Variants in B3GALT1 observed in about 807,000 individuals in gnomAD.
The protein encoded by B3GALT1 is UDP-Gal:betaGlcNAc beta 1,3-galactosyltransferase, polypeptide 1.
A neutral mutation model predicts 23.2 loss-of-function variants in B3GALT1; 10 were observed. That is an observed-to-expected ratio of 0.43 (90% confidence interval 0.27 to 0.73). B3GALT1 has a LOEUF of 0.73. Ranked by LOEUF, B3GALT1 falls within the 30% of genes least tolerant of loss-of-function variation. B3GALT1 has a pLI of 0.21. For missense variants in B3GALT1, 299 were observed against 405.4 expected (o/e 0.74, Z 2.25); for synonymous variants, 156 against 141.5 (o/e 1.10, Z -0.73).
chr2:167,864,994 T>C (rs1574308627), intron 4 of B3GALT1, among the ~76,000 whole-genome samples: 2 of 152,204 alleles, frequency 1.3e-5, no homozygotes, highest in African/African-American at 4.8e-5. Flanking sequence ...TTATAAACTT[T>C]TTTCATGTTC....
chr2:167,601,210 C>T (rs926410611), intron 2 of B3GALT1, among the ~76,000 whole-genome samples: 3 of 152,098 alleles, frequency 2.0e-5, no homozygotes, highest in African/African-American at 7.2e-5. Context: ...CAGGCACGTG[C>T]CACCACGCCC....
Position 167,869,051 on chromosome 2 carries a change from G to T in B3GALT1, c.12G>T (p.Lys4Asn). The T allele has an allele frequency of 6.2e-7, 1 of 1,606,978 alleles. No homozygotes were observed. The highest frequency in any genetic ancestry group is 8.5e-7 in the Non-Finnish European group (1 of 1,176,140). ...GTGTTCTCAAGACAATGGCTTCAAA[G>T]GTCTCCTGTTTGTATGTTTTGACAG... MAS[K>N]VSCLYVLTVV... The change falls in exon 5 of 5, where the codon AAG (lysine) becomes AAT (asparagine). Residue 4 changes from lysine (K) to asparagine (N), a missense_variant. By Grantham distance (94) the Lys-to-Asn change is moderately conservative. Around this residue, in one of 3 missense-constraint regions of B3GALT1, gnomAD observed 162 missense variants for 184.1 expected, o/e 0.88. Coordinates refer to ENST00000392690, the MANE Select transcript of B3GALT1 (RefSeq NM_020981.4). The surrounding 1 kb of genome is among the most constrained non-coding windows in gnomAD (Gnocchi z 6.4).
At chr2:167,442,888 C>T (rs1698918156) in intron 1 of B3GALT1, among the ~76,000 whole-genome samples, 1 of 140,968 alleles carries the variant, frequency 7.1e-6, no homozygotes, top group African/African-American at 2.7e-5. Flanking sequence ...AATTAGATCC[C>T]ATTTGTCAAT....
chr2:167,394,364 C>CA (rs1256032982), intron 1 of B3GALT1, among the ~76,000 whole-genome samples: 1 of 152,098 alleles, frequency 6.6e-6, no homozygotes, highest in Non-Finnish European at 1.5e-5. Flanking sequence ...GTAATCATTG[C>CA]ATTTAACTCA....
At chr2:167,446,382 C>G (rs1698992045) in intron 1 of B3GALT1, among the ~76,000 whole-genome samples, 1 of 152,042 alleles carries the variant, frequency 6.6e-6, no homozygotes, top group Non-Finnish European at 1.5e-5. Flanking sequence ...GTGGCATTCT[C>G]TGTATTTCCT....
chr2:167,797,314 T>C (rs1040972984), intron 3 of B3GALT1, among the ~76,000 whole-genome samples: 3 of 152,244 alleles, frequency 2.0e-5, no homozygotes, highest in African/African-American at 7.2e-5. Flanking sequence ...AACTCATTCG[T>C]TTTTATGGCT....
intron 1 of B3GALT1, among the ~76,000 whole-genome samples, chr2:167,478,737 C>A (rs1383400123): frequency 6.7e-6 from 1 of 150,308 alleles, no homozygotes; most frequent in Admixed American, 6.6e-5. Context: ...CCATGATAGG[C>A]CCCGGTGTGT....
intron 1 of B3GALT1, among the ~76,000 whole-genome samples, chr2:167,460,898 A>G (rs1001251666): frequency 6.6e-6 from 1 of 152,110 alleles, no homozygotes; most frequent in Non-Finnish European, 1.5e-5. Context: ...AGCTTGTACA[A>G]TTGCTTTCTA....
intron 3 of B3GALT1, among the ~76,000 whole-genome samples, chr2:167,795,138 G>A (rs142553668): frequency 1.3e-5 from 2 of 152,212 alleles, no homozygotes; most frequent in Non-Finnish European, 2.9e-5. Context: ...ACCAAACTCA[G>A]CTGCCCTTTG....
intron 1 of B3GALT1, among the ~76,000 whole-genome samples, chr2:167,463,490 T>C (rs546080115): frequency 3.9e-5 from 6 of 152,094 alleles, no homozygotes; most frequent in Non-Finnish European, 8.8e-5. Flanking sequence ...CCCAAGGTAA[T>C]AGGAAAAAAA....
intron 3 of B3GALT1, among the ~76,000 whole-genome samples, chr2:167,744,155 T>C (rs1460213527): frequency 6.6e-6 from 1 of 152,178 alleles, no homozygotes; most frequent in Non-Finnish European, 1.5e-5. Context: ...ACTATGTGAA[T>C]AATTTTTTAA....
At chr2:167,580,429 C>T (rs1684462254) in intron 2 of B3GALT1, among the ~76,000 whole-genome samples, 1 of 151,958 alleles carries the variant, frequency 6.6e-6, no homozygotes, top group African/African-American at 2.4e-5. Flanking sequence ...AATACCAATC[C>T]TCCTTTAAAC....
At chr2:167,742,251 C>T (rs1687587996) in intron 3 of B3GALT1, among the ~76,000 whole-genome samples, 1 of 152,146 alleles carries the variant, frequency 6.6e-6, no homozygotes, top group Non-Finnish European at 1.5e-5. Context: ...GAGACAGTTG[C>T]TTCACCATTA....
At chr2:167,838,232 C>A (rs779777165) in intron 4 of B3GALT1, among the ~76,000 whole-genome samples, 1 of 152,144 alleles carries the variant, frequency 6.6e-6, no homozygotes, top group East Asian at 1.9e-4. Context: ...ATTAATGAAT[C>A]CAGGAGCTGG....
At chr2:167,454,971 C>T (rs1449904812) in intron 1 of B3GALT1, among the ~76,000 whole-genome samples, 4 of 152,184 alleles carry the variant, frequency 2.6e-5, no homozygotes, top group Non-Finnish European at 5.9e-5. Flanking sequence ...GATCCATTAA[C>T]GAGCAGCAGT....
intron 1 of B3GALT1, among the ~76,000 whole-genome samples, chr2:167,445,106 T>C (rs1173632894): frequency 6.6e-6 from 1 of 152,284 alleles, no homozygotes; most frequent in East Asian, 1.9e-4. Context: ...TTATTTGTGC[T>C]TTCATTTCGT....
At chr2:167,865,587 C>T (rs552073358) in intron 4 of B3GALT1, among the ~76,000 whole-genome samples, 1 of 152,036 alleles carries the variant, frequency 6.6e-6, no homozygotes, top group Non-Finnish European at 1.5e-5. Flanking sequence ...ATCAGGAGAT[C>T]GAGACCCTCC....
chr2:167,447,496 G>A (rs1028011743), intron 1 of B3GALT1, among the ~76,000 whole-genome samples: 3 of 152,192 alleles, frequency 2.0e-5, no homozygotes, highest in Non-Finnish European at 2.9e-5. Flanking sequence ...TCCTTGAGCT[G>A]TGGTGGGCTC....
At chr2:167,308,866 T>C (rs1696591086) in intron 1 of B3GALT1, among the ~76,000 whole-genome samples, 1 of 151,984 alleles carries the variant, frequency 6.6e-6, no homozygotes, top group Admixed American at 6.6e-5. Flanking sequence ...CAAAAATATC[T>C]AAAACAATGA....
Sources: allele counts gnomAD v4.1 joint callset (sites outside exome capture counted in the v4.1 genomes callset), GRCh38; gene constraint gnomAD v4.1.1; regional missense constraint gnomAD v4.1.1; non-coding constraint Gnocchi (gnomAD v3.1); transcripts MANE v1.5; gene names NCBI Gene and HGNC (gene_info 2026-07-23, HGNC 2026-07-21).